Variants in LRRC72 observed in about 807,000 individuals in gnomAD.
LRRC72 encodes the protein leucine rich repeat containing 72, also known as leucine-rich repeat-containing protein 72.
In LRRC72, 41 loss-of-function variants were observed where a neutral mutation model predicts 35.8. The ratio of observed to expected loss-of-function variants is 1.15; its 90% confidence interval spans 0.89 to 1.49. LRRC72 has a LOEUF of 1.49. Ranked by LOEUF, LRRC72 falls within the 40% of genes most tolerant of loss-of-function variation. The pLI, the probability that LRRC72 is intolerant of heterozygous loss-of-function variation, is 0.00. For missense variants in LRRC72, 389 were observed against 330.7 expected (o/e 1.18, Z -1.37); for synonymous variants, 118 against 119.2 (o/e 0.99, Z 0.07).
chr7:16,560,913 GATTT>G (rs996140655), intron 5 of LRRC72, among the ~76,000 whole-genome samples: 8 of 151,986 alleles, frequency 5.3e-5, no homozygotes, highest in Non-Finnish European at 1.0e-4. Flanking sequence ...TTAAAAAAAT[GATTT>G]ATTATAGTCG....
At chr7:16,527,520 C>G (rs1225213410) in intron 1 of LRRC72, among the ~76,000 whole-genome samples, 2 of 151,822 alleles carry the variant, frequency 1.3e-5, no homozygotes, top group African/African-American at 4.8e-5. Flanking sequence ...CCAGCAAGGG[C>G]AAATCAACAC....
At chr7:16,554,091 G>T (rs889543461) in intron 3 of LRRC72, among the ~76,000 whole-genome samples, 1 of 152,210 alleles carries the variant, frequency 6.6e-6, no homozygotes, top group African/African-American at 2.4e-5. Context: ...CACTTCGGGA[G>T]GCCGAAGCGG....
chr7:16,566,772 G>A (rs1353041994), intron 6 of LRRC72, among the ~76,000 whole-genome samples: 2 of 152,032 alleles, frequency 1.3e-5, no homozygotes, highest in Non-Finnish European at 2.9e-5. Flanking sequence ...GCCAGTTTAA[G>A]TTCTAAAAGT....
At chr7:16,530,739 G>C (rs969736543) in intron 1 of LRRC72, among the ~76,000 whole-genome samples, 1 of 152,166 alleles carries the variant, frequency 6.6e-6, no homozygotes, top group Non-Finnish European at 1.5e-5. Flanking sequence ...CTGAGTCCTG[G>C]AGGTAGAATG....
intron 5 of LRRC72, among the ~76,000 whole-genome samples, chr7:16,562,911 G>A (rs1782767502): frequency 6.6e-6 from 1 of 152,084 alleles, no homozygotes; most frequent in African/African-American, 2.4e-5. Context: ...TACAATCAGG[G>A]GTGATTTCCA....
intron 1 of LRRC72, 86 bp from the exon 2 acceptor site, chr7:16,532,409 T>G: frequency 1.1e-6 from 1 of 876,696 alleles, no homozygotes; most frequent in Non-Finnish European, 1.9e-6. Flanking sequence ...TTGATCTTCT[T>G]GTAGACGTTA....
chr7:16,560,756 A>C (rs1782731915), intron 5 of LRRC72, among the ~76,000 whole-genome samples: 2 of 152,042 alleles, frequency 1.3e-5, no homozygotes, highest in Admixed American at 1.3e-4. Context: ...TTGAAATTCT[A>C]AAAAAAGAAA....
At chr7:16,552,765 G>A (rs993825677) in intron 3 of LRRC72, among the ~76,000 whole-genome samples, 2 of 152,176 alleles carry the variant, frequency 1.3e-5, no homozygotes, top group African/African-American at 4.8e-5. Flanking sequence ...CAGGTAGGTA[G>A]AACAAGGCAG....
At chr7:16,536,052 T>TA (rs1442513712) in intron 2 of LRRC72, among the ~76,000 whole-genome samples, 1 of 152,124 alleles carries the variant, frequency 6.6e-6, no homozygotes, top group Non-Finnish European at 1.5e-5. Flanking sequence ...TTTGTATTTT[T>TA]AGTAGAGACG....
chr7:16,559,472 C>T (rs1409833862), intron 5 of LRRC72, among the ~76,000 whole-genome samples: 1 of 151,688 alleles, frequency 6.6e-6, no homozygotes, highest in Non-Finnish European at 1.5e-5. Flanking sequence ...GAAAAAACAA[C>T]AGATAGAAAA....
intron 5 of LRRC72, among the ~76,000 whole-genome samples, chr7:16,565,224 G>T (rs1391616800): frequency 6.6e-6 from 1 of 152,218 alleles, no homozygotes; most frequent in South Asian, 2.1e-4. Context: ...CACGAGGTCA[G>T]CAGTTCGAGA....
chr7:16,536,504 A>G (rs1178478435), intron 2 of LRRC72, among the ~76,000 whole-genome samples: 1 of 152,148 alleles, frequency 6.6e-6, no homozygotes, highest in Non-Finnish European at 1.5e-5. Context: ...ATTCACCGAG[A>G]AAATTATCAA....
chr7:16,566,762 G>T (rs1032221170), intron 6 of LRRC72, among the ~76,000 whole-genome samples: 1 of 151,944 alleles, frequency 6.6e-6, no homozygotes, highest in African/African-American at 2.4e-5. Flanking sequence ...ATCTCATAAG[G>T]CCAGTTTAAG....
chr7:16,567,565 A>AC lies in LRRC72; in HGVS notation c.670+22_670+23insC, dbSNP rs1237894913. On this transcript the variant is annotated intron_variant, in intron 7 of 8. Coordinates refer to ENST00000401542, the MANE Select transcript of LRRC72 (RefSeq NM_001195280.2). ...TCAGGTATTTCGTAAAAAAAAAAAA[A>AC]AAAACAAATTTAATGAAATTAAAAC... 19 of 1,418,070 alleles carry AC rather than the reference A, an allele frequency of 1.3e-5. No homozygotes were observed. The Admixed American group carries it at 3.0e-4, about 23-fold the overall frequency. The allele number at this position is 1,418,070 out of a possible 1,614,324, so 87.8% of individuals were successfully genotyped here.
At chr7:16,569,971 A>G (rs1256054284) in intron 7 of LRRC72, among the ~76,000 whole-genome samples, 2 of 151,940 alleles carry the variant, frequency 1.3e-5, no homozygotes, top group African/African-American at 4.8e-5. Context: ...TGGAGGTTGC[A>G]GCGAGCCGAG....
chr7:16,557,868 G>C (rs1782677274), intron 4 of LRRC72, among the ~76,000 whole-genome samples: 1 of 152,090 alleles, frequency 6.6e-6, no homozygotes, highest in Admixed American at 6.6e-5. Context: ...TTTCAAGCCA[G>C]TTATAAAAGC....
intron 3 of LRRC72, among the ~76,000 whole-genome samples, chr7:16,554,378 A>G (rs896030024): frequency 2.6e-5 from 4 of 152,216 alleles, no homozygotes; most frequent in African/African-American, 9.6e-5. Flanking sequence ...ATAGCTGAGT[A>G]TCAGGACAAT....
In LRRC72 at chr7:16,526,871, G is replaced by T; in HGVS notation, c.-82G>T. 1 of 1,095,978 alleles carries T rather than the reference G, an allele frequency of 9.1e-7. No individual in the cohort carries two copies. The allele number at this position is 1,095,978 out of a possible 1,614,324, so 67.9% of individuals were successfully genotyped here. ...TGTTGGTAACAGAACAACGAGCTGT[G>T]CACCAAGCCAAGTCTCTCTTCGGTG... On this transcript the variant is annotated 5_prime_UTR_variant, in exon 1 of 9. Transcript: ENST00000401542.
chr7:16,571,681 C>T (rs1583653052), intron 7 of LRRC72, among the ~76,000 whole-genome samples: 1 of 152,188 alleles, frequency 6.6e-6, no homozygotes, highest in African/African-American at 2.4e-5. Flanking sequence ...ACACTTTTCC[C>T]ATGGTCTTCA....
Sources: allele counts gnomAD v4.1 joint callset (sites outside exome capture counted in the v4.1 genomes callset), GRCh38; gene constraint gnomAD v4.1.1; transcripts MANE v1.5; gene names NCBI Gene and HGNC (gene_info 2026-07-23, HGNC 2026-07-21).